CTTN: variants seen among roughly 807,000 people sequenced by gnomAD.
CTTN encodes cortactin, also known as src substrate cortactin.
A neutral mutation model predicts 84.0 loss-of-function variants in CTTN; 28 were observed. The observed-to-expected ratio is 0.33, with a 90% CI of 0.25 to 0.46. The LOEUF (loss-of-function observed/expected upper bound fraction) is 0.46, where lower values mean the gene tolerates loss of function less well. CTTN is among the 20% of genes least tolerant of loss of function. The probability of loss-of-function intolerance (pLI) is 1.00; values close to 1 mark genes in which losing one functional copy is unlikely to be tolerated. For missense variants in CTTN, 641 were observed against 723.8 expected (o/e 0.89, Z 1.31); for synonymous variants, 301 against 288.8 (o/e 1.04, Z -0.43).
chr11:70,433,697 G>A lies in CTTN; in HGVS notation c.1495G>A (p.Ala499Thr), dbSNP rs774668913. 12 of 1,613,606 alleles carry A rather than the reference G, an allele frequency of 7.4e-6. No individual in the cohort carries two copies. The highest frequency in any genetic ancestry group is 1.3e-5 in the African/African-American group (1 of 74,886). The change falls in exon 17 of 18, where the codon GCC (alanine) becomes ACC (threonine). Residue 499 changes from alanine to threonine, a missense_variant. Coordinates refer to ENST00000301843, the MANE Select transcript of CTTN (RefSeq NM_005231.4). ...GAACGATCTGGGGATCACAGCCGTC[G>A]CCCTGTACGACTACCAGGCTGGTGA... Reference protein sequence around the residue: ...YENDLGITAVALYDYQAAGDD... With the variant: ...YENDLGITAVTLYDYQAAGDD...
Position 70,413,346 on chromosome 11 carries a change from G to T in CTTN, c.292-1196G>T, listed in dbSNP as rs2058117117. ...ATGTGCCCGCACTGTCTGTGAAGGA[G>T]TCCTTGACCCGGCTCTGCTGTGAGG... On this transcript the variant is annotated intron_variant, in intron 5 of 17. Coordinates refer to ENST00000301843, the MANE Select transcript of CTTN (RefSeq NM_005231.4). Among the ~76,000 whole-genome samples, 4 of 152,348 alleles carry T rather than the reference G, an allele frequency of 2.6e-5. No homozygotes were observed. The Middle Eastern group carries it at 0.014, about 518-fold the overall frequency.
intron 1 of CTTN, among the ~76,000 whole-genome samples, chr11:70,403,326 CT>C (rs1376948685): frequency 7.1e-6 from 1 of 140,708 alleles, no homozygotes; most frequent in Non-Finnish European, 1.5e-5. Flanking sequence ...GTAGCTGGGA[CT>C]ACAGGCATGC....
chr11:70,426,746 G>A (rs545237178), intron 13 of CTTN, among the ~76,000 whole-genome samples: 50 of 151,760 alleles, frequency 3.3e-4, no homozygotes, highest in African/African-American at 1.2e-3. Flanking sequence ...CTGCCACCAC[G>A]CCCGGCTAAT....
At chr11:70,408,689 C>T (rs1386709477) in intron 4 of CTTN, among the ~76,000 whole-genome samples, 1 of 152,150 alleles carries the variant, frequency 6.6e-6, no homozygotes. Flanking sequence ...TGTGTGCCGC[C>T]GCACCTGGCC....
intron 7 of CTTN, among the ~76,000 whole-genome samples, chr11:70,416,588 C>G (rs1440713040): frequency 6.6e-6 from 1 of 152,084 alleles, no homozygotes. Flanking sequence ...TGTGCCACTA[C>G]CCCTGGCTAG....
intron 8 of CTTN, 59 bp downstream of exon 8, chr11:70,417,182 A>C: frequency 7.9e-7 from 1 of 1,265,090 alleles, no homozygotes; most frequent in Non-Finnish European, 1.2e-6. Flanking sequence ...CCACGAGGGC[A>C]TTTTCTCTCT....
chr11:70,400,622 T>G (rs2057966900), intron 1 of CTTN, among the ~76,000 whole-genome samples: 1 of 152,214 alleles, frequency 6.6e-6, no homozygotes, highest in African/African-American at 2.4e-5. Context: ...GGACTTGTTT[T>G]TAAAACACTT....
At chr11:70,431,447 G>A (rs1363189858) in intron 15 of CTTN, among the ~76,000 whole-genome samples, 167 bp downstream of exon 15, 1 of 152,010 alleles carries the variant, frequency 6.6e-6, no homozygotes, top group African/African-American at 2.4e-5. Context: ...CCTGGGGGGT[G>A]GGTGACATGC....
At chr11:70,422,640 G>T in intron 11 of CTTN, 2 of 1,376,494 alleles carry the variant, frequency 1.5e-6, no homozygotes, top group African/African-American at 1.4e-5. Flanking sequence ...AGGCCTGTCC[G>T]TGCCCTCTTT....
At chr11:70,422,353 A>G (rs2058247028) in intron 11 of CTTN, 4 of 464,540 alleles carry the variant, frequency 8.6e-6, no homozygotes, top group Non-Finnish European at 1.6e-5. Context: ...AGGTAGACAC[A>G]CCTGGGGTGG....
At chr11:70,409,736 A>G (rs1034074491) in intron 4 of CTTN, 95 bp from the exon 5 acceptor site, 2 of 1,359,116 alleles carry the variant, frequency 1.5e-6, no homozygotes, top group African/African-American at 1.5e-5. Flanking sequence ...ACAAATTTAC[A>G]AAGATAATGT....
Position 70,435,152 on chromosome 11 carries a change from T to A in CTTN, c.1643T>A (p.Leu548Gln). 6.2e-7 allele frequency: 1 copy of A among 1,609,278 alleles called. No homozygotes were observed. The highest frequency in any genetic ancestry group is 8.5e-7 in the Non-Finnish European group (1 of 1,178,080). The change falls in exon 18 of 18, where the codon CTG becomes CAG. Residue 548 changes from leucine to glutamine, a missense_variant. Transcript: ENST00000301843. ...YGLFPANYVE[L>Q]RQ ...CTCTTCCCAGCCAACTATGTGGAGC[T>A]GCGGCAGTAGGGCCCCCAGCCCCCC...
At chr11:70,402,217 C>A (rs182073693) in intron 1 of CTTN, among the ~76,000 whole-genome samples, 1 of 152,178 alleles carries the variant, frequency 6.6e-6, no homozygotes, top group African/African-American at 2.4e-5. Context: ...GATTACTTCA[C>A]GTTTGTGCAA....
In CTTN at chr11:70,436,069, G is replaced by C; in HGVS notation, c.*907G>C. ...AGCATGGCCTCTCGGCCTTGGGAAG[G>C]AAGGCAGTGCCTGCTCTGCTGTGAG... On this transcript the variant is annotated 3_prime_UTR_variant, in exon 18 of 18. Transcript: ENST00000301843. 1 of 1,426,160 alleles carries C rather than the reference G, an allele frequency of 7.0e-7. No homozygotes were observed. Among genetic ancestry groups the C allele is most frequent in the African/African-American group, 1.4e-5 (1 of 69,638 alleles). 88.3% of individuals were successfully genotyped at this position (1,426,160 alleles called of 1,614,324 possible).
intron 1 of CTTN, among the ~76,000 whole-genome samples, chr11:70,403,653 A>G (rs1474654964): frequency 1.3e-5 from 2 of 152,202 alleles, no homozygotes; most frequent in Non-Finnish European, 2.9e-5. Context: ...TCAAAGTCAC[A>G]AAAATTTACA....
chr11:70,423,561 G>C (rs1309946232), intron 12 of CTTN, among the ~76,000 whole-genome samples: 1 of 152,222 alleles, frequency 6.6e-6, no homozygotes, highest in Non-Finnish European at 1.5e-5. Flanking sequence ...GCAGGTGTTC[G>C]GGCTGGGCTC....
At chr11:70,431,138 A>T (rs1263327290) in intron 14 of CTTN, 53 bp from the exon 15 acceptor site, 5 of 1,549,124 alleles carry the variant, frequency 3.2e-6, no homozygotes, top group Middle Eastern at 1.7e-4. Context: ...GGCAGGCGTG[A>T]CAGTGCAGAG....
At chr11:70,432,884 A>G (rs1386706212) in intron 15 of CTTN, among the ~76,000 whole-genome samples, 1 of 152,090 alleles carries the variant, frequency 6.6e-6, no homozygotes, top group Non-Finnish European at 1.5e-5. Context: ...GGTGGTGAGG[A>G]CCGGGTCATC....
At chr11:70,419,689 G>C (rs528307535) in intron 8 of CTTN, 57 bp from the exon 9 acceptor site, 179 of 1,408,608 alleles carry the variant, frequency 1.3e-4, no homozygotes, top group Admixed American at 1.6e-4. Context: ...TAAAATACTT[G>C]CATGTTCACT....
Sources: gnomAD v4.1 joint callset for allele counts (sites outside exome capture counted in the v4.1 genomes callset) on GRCh38, gnomAD v4.1.1 for gene constraint, MANE v1.5 for transcripts, NCBI Gene and HGNC (gene_info 2026-07-23, HGNC 2026-07-21) for gene names.